Variants in SSTR2 observed in about 807,000 individuals in gnomAD.
The protein encoded by SSTR2 is somatostatin receptor 2.
A neutral mutation model predicts 21.4 loss-of-function variants in SSTR2; 10 were observed. The observed-to-expected ratio is 0.47, with a 90% CI of 0.29 to 0.79. The LOEUF (loss-of-function observed/expected upper bound fraction) is 0.79, where lower values mean the gene tolerates loss of function less well. SSTR2 is among the 30% of genes least tolerant of loss of function. The probability of loss-of-function intolerance (pLI) is 0.10; values close to 1 mark genes in which losing one functional copy is unlikely to be tolerated. For missense variants in SSTR2, 364 were observed against 468.8 expected, an observed-to-expected ratio of 0.78 and a Z score of 2.06; for synonymous variants, 177 against 181.3, an observed-to-expected ratio of 0.98 and a Z score of 0.19.
At position 73,170,888 on chromosome 17, in the gene SSTR2, A is replaced by G; in HGVS notation, c.*459A>G. On this transcript the variant is annotated 3_prime_UTR_variant, in exon 2 of 2. Coordinates refer to ENST00000357585, the MANE Select transcript of SSTR2 (RefSeq NM_001050.3). Reference sequence around the variant, plus strand: ...TCGAGTATGCATAGTGTAGATGGACATTTGCCACAACACACTGCCCGCAGA... The same window carrying G: ...TCGAGTATGCATAGTGTAGATGGACGTTTGCCACAACACACTGCCCGCAGA... 2.6e-6 allele frequency: 1 copy of G among 379,570 alleles called. No homozygotes were observed. The highest frequency in any genetic ancestry group is 2.1e-5 in the South Asian group (1 of 47,910). 23.5% of individuals were successfully genotyped at this position (379,570 alleles called of 1,614,324 possible).
Position 73,169,365 on chromosome 17 carries a change from T to G in SSTR2, c.46T>G (p.Ser16Ala). 1 of 1,613,994 alleles carries G rather than the reference T, an allele frequency of 6.2e-7. No homozygotes were observed. The highest frequency in any genetic ancestry group is 8.5e-7 in the Non-Finnish European group (1 of 1,179,958). The change falls in exon 2 of 2, where the codon TCC becomes GCC. Residue 16 changes from serine (S) to alanine (A), a missense_variant. Coordinates refer to ENST00000357585, the MANE Select transcript of SSTR2 (RefSeq NM_001050.3). The surrounding 1 kb of genome is among the most constrained non-coding windows in gnomAD (Gnocchi z 5.2). Reference protein sequence around the residue: ...EPLNGSHTWLSIPFDLNGSVV... With the variant: ...EPLNGSHTWLAIPFDLNGSVV... ...ACTCAATGGAAGCCACACATGGCTA[T>G]CCATTCCATTTGACCTCAATGGCTC...
At chr17:73,168,514 A>C (rs1333645380) in intron 1 of SSTR2, among the ~76,000 whole-genome samples, 1 of 152,270 alleles carries the variant, frequency 6.6e-6, no homozygotes, top group African/African-American at 2.4e-5. Context: ...TTTTATTTTT[A>C]ATACTGAAGA....
Position 73,165,336 on chromosome 17 carries a change from G to GTGT in SSTR2, c.-93+48_-93+49insTGT, listed in dbSNP as rs2061212504. ...TGTGTGTGTGTGTGTGTGTGTGTGT[G>GTGT]ATAAGAGAGATGGAGGGAGCGAGAA... On this transcript the variant is annotated intron_variant, in intron 1 of 1. Coordinates refer to ENST00000357585, the MANE Select transcript of SSTR2 (RefSeq NM_001050.3). The GTGT allele has an allele frequency of 8.0e-5, 9 of 112,438 alleles. No individual in the cohort carries two copies. The South Asian group carries it at 2.7e-3, about 34-fold the overall frequency. 7.0% of individuals were successfully genotyped at this position (112,438 alleles called of 1,614,324 possible).
chr17:73,166,898 G>A (rs2061218198), intron 1 of SSTR2, among the ~76,000 whole-genome samples: 1 of 152,130 alleles, frequency 6.6e-6, no homozygotes, highest in Non-Finnish European at 1.5e-5. Context: ...GTTAGGGCTG[G>A]AAAGCAACAC....
chr17:73,168,593 T>C (rs2061223688), intron 1 of SSTR2, among the ~76,000 whole-genome samples: 1 of 152,046 alleles, frequency 6.6e-6, no homozygotes, highest in African/African-American at 2.4e-5. Context: ...GAGGAAAACA[T>C]GGGGGGAAAC....
chr17:73,170,765 T>C lies in SSTR2; in HGVS notation c.*336T>C, dbSNP rs1009166622. 1.0e-5 allele frequency: 5 copies of C among 502,444 alleles called. No individual in the cohort carries two copies. The highest frequency in any genetic ancestry group is 2.0e-5 in the African/African-American group (1 of 51,254). 31.1% of individuals were successfully genotyped at this position (502,444 alleles called of 1,614,324 possible). On this transcript the variant is annotated 3_prime_UTR_variant, in exon 2 of 2. Coordinates refer to ENST00000357585, the MANE Select transcript of SSTR2 (RefSeq NM_001050.3). ...GTGTTTGTGTATTGAAAACTCAATA[T>C]GTAATCTTGTGTTTTTATATGTATA... is the stretch of plus-strand genomic sequence containing the variant.
chr17:73,165,385 T>C (rs534600230), intron 1 of SSTR2, 97 bp downstream of exon 1: 1 of 153,336 alleles, frequency 6.5e-6, no homozygotes, highest in Non-Finnish European at 1.4e-5. Context: ...CCTGTGTGCA[T>C]CTGCGCTGAT....
rs1418752927 is a variant in SSTR2 at position 73,170,382 on chromosome 17, G to A, written c.1063G>A (p.Glu355Lys). 1 of 1,613,982 alleles carries A rather than the reference G, an allele frequency of 6.2e-7. No homozygotes were observed. The highest frequency in any genetic ancestry group is 1.7e-5 in the Admixed American group (1 of 59,992). Reference sequence around the variant, plus strand: ...CAAATCCCGGCTGAATGAGACCACGGAGACCCAGAGGACCCTCCTCAATGG... The same window carrying A: ...CAAATCCCGGCTGAATGAGACCACGAAGACCCAGAGGACCCTCCTCAATGG... The part of the protein sequence containing the change: ...QDKSRLNETT[E>K]TQRTLLNGDL... The change falls in exon 2 of 2, where the codon GAG becomes AAG. Residue 355 changes from glutamate to lysine, a missense_variant. By Grantham distance (56) the Glu-to-Lys change is moderately conservative. Coordinates refer to ENST00000357585, the MANE Select transcript of SSTR2 (RefSeq NM_001050.3).
chr17:73,166,993 CCGTG>C (rs570414000), intron 1 of SSTR2, among the ~76,000 whole-genome samples: 176 of 152,278 alleles, frequency 1.2e-3, no homozygotes, highest in Admixed American at 4.9e-3. Flanking sequence ...CAGGGGGATT[CCGTG>C]TTACTCAGAC....
chr17:73,170,935 A>G lies in SSTR2; in HGVS notation c.*506A>G. On this transcript the variant is annotated 3_prime_UTR_variant, in exon 2 of 2. Transcript: ENST00000357585. ...CAGAAATGGACTTACCGTGAAGCCAATAAAGTTCAAGCTTCAGGGATCTCT... is the reference window on the plus strand; with the variant it reads ...CAGAAATGGACTTACCGTGAAGCCAGTAAAGTTCAAGCTTCAGGGATCTCT... The G allele has an allele frequency of 2.7e-6, 1 of 365,234 alleles. No homozygotes were observed. Among genetic ancestry groups the G allele is most frequent in the South Asian group, 2.3e-5 (1 of 43,756 alleles). 22.6% of individuals were successfully genotyped at this position (365,234 alleles called of 1,614,324 possible). A position where few individuals can be genotyped will look rare whatever the true frequency, so the allele number is the denominator to read the frequency against.
chr17:73,167,690 G>T (rs973030230), intron 1 of SSTR2, among the ~76,000 whole-genome samples: 31 of 152,172 alleles, frequency 2.0e-4, no homozygotes, highest in African/African-American at 7.5e-4. Context: ...AGGAAAGGAA[G>T]GCATTCTTAA....
At position 73,175,903 on chromosome 17, in the gene SSTR2, C is replaced by T. The variant is rs187196625; in HGVS notation, c.*5474C>T. The T allele has an allele frequency of 2.0e-5, 3 of 152,134 alleles. No individual in the cohort carries two copies. The South Asian group carries it at 6.2e-4, about 31-fold the overall frequency. 9.4% of individuals were successfully genotyped at this position (152,134 alleles called of 1,614,324 possible). ...AGTTGCTTAAGCCATAGAGAAGGCC[C>T]CTTTGCAGTGGGAGTCACTGAAGAC... On this transcript the variant is annotated 3_prime_UTR_variant, in exon 2 of 2. Coordinates refer to ENST00000357585, the MANE Select transcript of SSTR2 (RefSeq NM_001050.3).
intron 1 of SSTR2, among the ~76,000 whole-genome samples, chr17:73,166,450 C>CGG (rs142557129): frequency 4.7e-4 from 18 of 38,628 alleles, no homozygotes; most frequent in Admixed American, 8.7e-4. Context: ...AAAAGGGGGG[C>CGG]GGGGGGGGCA....
rs2061237533 is a variant in SSTR2, at chr17:73,172,111, G to A, written c.*1682G>A. ...ATACTGCTGTGCTGCCTTCCTCACTGACTGTATACATAGTAACTGTCATAT... is the reference window on the plus strand; with the variant it reads ...ATACTGCTGTGCTGCCTTCCTCACTAACTGTATACATAGTAACTGTCATAT... On this transcript the variant is annotated 3_prime_UTR_variant, in exon 2 of 2. Transcript: ENST00000357585. The A allele has an allele frequency of 1.3e-5, 2 of 152,000 alleles. No individual in the cohort carries two copies. The highest frequency in any genetic ancestry group is 1.3e-4 in the Admixed American group (2 of 15,242). 9.4% of individuals were successfully genotyped at this position (152,000 alleles called of 1,614,324 possible).
rs61493168 is a variant in SSTR2, at chr17:73,171,921, C to CAAAAAAAAA, written c.*1520_*1528dup. On this transcript the variant is annotated 3_prime_UTR_variant, in exon 2 of 2. Transcript: ENST00000357585. ...GAGCAACAAGAGCAAAACTCAGTCT[C>CAAAAAAAAA]AAAAAAAAAAAAAAAAAAAAAAAAA... 4.5e-4 allele frequency: 8 copies of CAAAAAAAAA among 17,970 alleles called. No individual in the cohort carries two copies. The highest frequency in any genetic ancestry group is 6.1e-4 in the African/African-American group (3 of 4,932). The allele number at this position is 17,970 out of a possible 1,614,324, so 1.1% of individuals were successfully genotyped here.
At position 73,169,506 on chromosome 17, in the gene SSTR2, C is replaced by A. The variant is rs2061226640; in HGVS notation, c.187C>A (p.Leu63Ile). 5 of 1,614,272 alleles carry A rather than the reference C, an allele frequency of 3.1e-6. No individual in the cohort carries two copies. The highest frequency in any genetic ancestry group is 4.2e-6 in the Non-Finnish European group (5 of 1,180,050). ...CATCATTGGGTTGTGTGGCAACACA[C>A]TTGTCATTTATGTCATCCTCCGCTA... ...VCIIGLCGNT[L>I]VIYVILRYAK... The change falls in exon 2 of 2, where the codon CTT becomes ATT. Residue 63 changes from leucine (L) to isoleucine (I), a missense_variant. Physicochemically the swap from Leu to Ile is conservative, Grantham distance 5. Transcript: ENST00000357585. The surrounding 1 kb of genome is among the most constrained non-coding windows in gnomAD (Gnocchi z 5.2).
Position 73,165,038 on chromosome 17 carries a change from G to C in SSTR2, c.-343G>C, listed in dbSNP as rs1484304767. The C allele has an allele frequency of 6.6e-6, 1 of 152,200 alleles. No individual in the cohort carries two copies. 9.4% of individuals were successfully genotyped at this position (152,200 alleles called of 1,614,324 possible). ...CCCAGCGGCGCAGCCACCCATGCGCGCGCGCTCGCAAGACCACCAGCGCCC... is the reference window on the plus strand; with the variant it reads ...CCCAGCGGCGCAGCCACCCATGCGCCCGCGCTCGCAAGACCACCAGCGCCC... On this transcript the variant is annotated 5_prime_UTR_variant, in exon 1 of 2. Coordinates refer to ENST00000357585, the MANE Select transcript of SSTR2 (RefSeq NM_001050.3).
rs772358674 is a variant in SSTR2, at chr17:73,169,463, C to G, written c.144C>G (p.Phe48Leu). 1 of 1,614,122 alleles carries G rather than the reference C, an allele frequency of 6.2e-7. No homozygotes were observed. The highest frequency in any genetic ancestry group is 1.3e-5 in the African/African-American group (1 of 74,934). The change falls in exon 2 of 2, where the codon TTC becomes TTG. Residue 48 changes from phenylalanine (F) to leucine (L), a missense_variant. Physicochemically the swap from Phe to Leu is conservative, Grantham distance 22 (BLOSUM62 0). Transcript: ENST00000357585. The surrounding 1 kb of genome is among the most constrained non-coding windows in gnomAD (Gnocchi z 5.2). Reference sequence around the variant, plus strand: ...TGACAAGCAATGCAGTCCTCACATTCATCTATTTTGTGGTCTGCATCATTG... The same window carrying G: ...TGACAAGCAATGCAGTCCTCACATTGATCTATTTTGTGGTCTGCATCATTG... ...YDLTSNAVLT[F>L]IYFVVCIIGL...
In SSTR2 at chr17:73,170,333, G is replaced by A. The variant is rs1266481029; in HGVS notation, c.1014G>A (p.Gly338=). The A allele has an allele frequency of 1.9e-6, 3 of 1,613,958 alleles. No individual in the cohort carries two copies. The highest frequency in any genetic ancestry group is 2.5e-6 in the Non-Finnish European group (3 of 1,180,012). ...TCAAGGTGAGCGGCACAGATGATGG[G>A]GAGCGGAGTGACAGTAAGCAGGACA... ...CLVKVSGTDD[G]ERSDSKQDKS... Residue 338 remains glycine (G), a synonymous_variant, in exon 2 of 2, where the codon GGG becomes GGA. Transcript: ENST00000357585.
Sources: allele counts gnomAD v4.1 joint callset (sites outside exome capture counted in the v4.1 genomes callset), GRCh38; gene constraint gnomAD v4.1.1; non-coding constraint Gnocchi (gnomAD v3.1); transcripts MANE v1.5; gene names NCBI Gene and HGNC (gene_info 2026-07-23, HGNC 2026-07-21).